The following SNX31 variants were observed in gnomAD, a reference collection of about 807,000 sequenced individuals.
SNX31 encodes sorting nexin 31, also known as sorting nexin-31.
In SNX31, 58 loss-of-function variants were observed where a neutral mutation model predicts 65.4. The observed-to-expected ratio is 0.89, with a 90% CI of 0.72 to 1.10. The LOEUF (loss-of-function observed/expected upper bound fraction) is 1.10. Among genes scored for constraint, SNX31 ranks in the 50% least tolerant of loss-of-function variants. SNX31 has a pLI of 0.00. For synonymous variants in SNX31, 181 were observed against 190.1 expected, an observed-to-expected ratio of 0.95 and a Z score of 0.39; for missense variants, 523 against 529.7, an observed-to-expected ratio of 0.99 and a Z score of 0.12.
rs2130906505 is a variant in SNX31 at position 100,596,704 on chromosome 8, C to T, written c.913G>A (p.Asp305Asn). 6.2e-7 allele frequency: 1 copy of T among 1,614,160 alleles called. No individual in the cohort carries two copies. The highest frequency in any genetic ancestry group is 2.2e-5 in the East Asian group (1 of 44,888). Reference sequence around the variant, plus strand: ...AAAACGATGTCCTGGGTCTGGCTGTCAGGCAGGGTGATGCAGCAGCTGATC... The same window carrying T: ...AAAACGATGTCCTGGGTCTGGCTGTTAGGCAGGGTGATGCAGCAGCTGATC... Reference protein sequence around the residue: ...NEISCCITLPDSQTQDIVFQM... With the variant: ...NEISCCITLPNSQTQDIVFQM... Residue 305 changes from aspartate to asparagine, a missense_variant, in exon 10 of 14, where the codon GAC (aspartate) becomes AAC (asparagine). Physicochemically the swap from Asp to Asn is conservative, Grantham distance 23. Transcript: ENST00000311812.
chr8:100,657,227 C>T (rs991040665), intron 1 of SNX31, among the ~76,000 whole-genome samples: 17 of 151,890 alleles, frequency 1.1e-4, no homozygotes, highest in Non-Finnish European at 1.5e-4. Context: ...CCGAGGCAGG[C>T]GGATCACCTG....
upstream of SNX31, among the ~76,000 whole-genome samples, chr8:100,653,448 T>C (rs554736847): frequency 3.9e-5 from 6 of 152,226 alleles, no homozygotes; most frequent in Admixed American, 6.5e-5. Context: ...CACATCCAAT[T>C]AGCGTATCCT....
At chr8:100,659,485 T>A (rs981366807) in intron 1 of SNX31, among the ~76,000 whole-genome samples, 1 of 152,160 alleles carries the variant, frequency 6.6e-6, no homozygotes, top group Non-Finnish European at 1.5e-5. Flanking sequence ...TCTAAGATAT[T>A]TGGTTTGAGG....
At chr8:100,624,660 AT>A (rs1257426117) in intron 4 of SNX31, among the ~76,000 whole-genome samples, 1 of 152,244 alleles carries the variant, frequency 6.6e-6, no homozygotes, top group Non-Finnish European at 1.5e-5. Flanking sequence ...TATTTGTGAT[AT>A]TTGAATTTTA....
Position 100,586,982 on chromosome 8 carries a change from T to C in SNX31, c.1092+1884A>G, listed in dbSNP as rs1814103376. ...ATTTTCTCTTTTTTAGCATTTCCACTCCAATTTTAGTTAAAAGCCTATGGT... is the reference window on the plus strand; with the variant it reads ...ATTTTCTCTTTTTTAGCATTTCCACCCCAATTTTAGTTAAAAGCCTATGGT... On this transcript the variant is annotated intron_variant, in intron 11 of 13. Coordinates refer to ENST00000311812, the MANE Select transcript of SNX31 (RefSeq NM_152628.4). Among the ~76,000 whole-genome samples the C allele has an allele frequency of 2.0e-5, 3 of 152,212 alleles. No homozygotes were observed. In the South Asian group the frequency reaches 6.2e-4, roughly 32 times the overall value.
intron 8 of SNX31, 40 bp downstream of exon 8, chr8:100,608,454 T>C (rs774521913): frequency 3.2e-5 from 52 of 1,602,330 alleles, no homozygotes; most frequent in Non-Finnish European, 4.4e-5. Context: ...CAACATGGCC[T>C]ATGATCTACG....
chr8:100,589,088 G>GT, intron 10 of SNX31, 109 bp from the exon 11 acceptor site: 1 of 729,128 alleles, frequency 1.4e-6, no homozygotes, highest in Non-Finnish European at 2.3e-6. Flanking sequence ...ATCGCCTGAG[G>GT]TCAGGAGTTC....
At chr8:100,642,790 A>T (rs1307318051) in intron 2 of SNX31, among the ~76,000 whole-genome samples, 1 of 152,228 alleles carries the variant, frequency 6.6e-6, no homozygotes, top group African/African-American at 2.4e-5. Context: ...GTTTAAAGAG[A>T]TCAAAAGGAA....
At chr8:100,592,510 T>A (rs1009358463) in intron 10 of SNX31, among the ~76,000 whole-genome samples, 5 of 152,118 alleles carry the variant, frequency 3.3e-5, no homozygotes, top group African/African-American at 1.2e-4. Context: ...ATCAAAACCC[T>A]CCACTGCTGC....
At chr8:100,615,201 T>C (rs1326702738) in intron 5 of SNX31, among the ~76,000 whole-genome samples, 2 of 152,230 alleles carry the variant, frequency 1.3e-5, no homozygotes, top group South Asian at 2.1e-4. Flanking sequence ...GCCAACATGA[T>C]TGGAAGAGAG....
upstream of SNX31, among the ~76,000 whole-genome samples, chr8:100,652,272 C>G (rs1819989047): frequency 6.6e-6 from 1 of 152,222 alleles, no homozygotes; most frequent in Admixed American, 6.5e-5. Context: ...GCCACCGCGC[C>G]CGGCCCACAG....
At chr8:100,647,608 T>C (rs574197621) in intron 2 of SNX31, among the ~76,000 whole-genome samples, 55 of 152,192 alleles carry the variant, frequency 3.6e-4, no homozygotes, top group Non-Finnish European at 6.3e-4. Flanking sequence ...CCCCTAATCT[T>C]CACAAGCACA....
intron 12 of SNX31, among the ~76,000 whole-genome samples, chr8:100,580,833 GC>G (rs1813429878): frequency 6.6e-6 from 1 of 152,104 alleles, no homozygotes; most frequent in African/African-American, 2.4e-5. Flanking sequence ...ATTACATGCA[GC>G]AAAACCTAAC....
rs1390745615 is a variant in SNX31, at chr8:100,576,958, G to A, written c.1227+61C>T. On this transcript the variant is annotated intron_variant, in intron 13 of 13. Transcript: ENST00000311812. The surrounding 1 kb of genome is among the most constrained non-coding windows in gnomAD (Gnocchi z 4.8). ...AAAGTGAGATGACTTTGGTTAAAGA[G>A]GAAAAAAGATCAGATTTATCAAAAT... 5 of 1,368,590 alleles carry A rather than the reference G, an allele frequency of 3.7e-6. No homozygotes were observed. Among genetic ancestry groups the A allele is most frequent in the Non-Finnish European group, 5.1e-6 (5 of 972,654 alleles). The allele number at this position is 1,368,590 out of a possible 1,614,324, so 84.8% of individuals were successfully genotyped here. A position where few individuals can be genotyped will look rare whatever the true frequency, so the allele number is the denominator to read the frequency against.
At chr8:100,581,321 ATATC>A (rs1188651921) in intron 12 of SNX31, among the ~76,000 whole-genome samples, 8 of 123,460 alleles carry the variant, frequency 6.5e-5, no homozygotes, top group African/African-American at 2.2e-4. Flanking sequence ...TTATATATCT[ATATC>A]TATCTATCTA....
intron 11 of SNX31, among the ~76,000 whole-genome samples, chr8:100,584,868 G>A (rs996539221): frequency 3.3e-5 from 5 of 151,192 alleles, no homozygotes; most frequent in Admixed American, 2.6e-4. Context: ...TCCCGCTTCA[G>A]CACGCTGCCA....
chr8:100,656,484 T>G (rs567080253), intron 1 of SNX31, among the ~76,000 whole-genome samples: 6 of 151,276 alleles, frequency 4.0e-5, no homozygotes, highest in Non-Finnish European at 7.4e-5. Context: ...CTACTAAAAA[T>G]ACAAAAATTA....
rs1305079456 is a variant in SNX31 at position 100,604,546 on chromosome 8, C to T, written c.681+3948G>A. Among the ~76,000 whole-genome samples the T allele has an allele frequency of 2.6e-5, 4 of 152,202 alleles. No individual in the cohort carries two copies. The highest frequency in any genetic ancestry group is 7.2e-5 in the African/African-American group (3 of 41,452). ...CCTCCACTCACCAAGCCATGGGCCCCGATGCAGGACTAGCCCCACCTGGAG... is the reference window on the plus strand; with the variant it reads ...CCTCCACTCACCAAGCCATGGGCCCTGATGCAGGACTAGCCCCACCTGGAG... On this transcript the variant is annotated intron_variant, in intron 8 of 13. Transcript: ENST00000311812. The surrounding 1 kb of genome is among the most constrained non-coding windows in gnomAD (Gnocchi z 4.3).
At chr8:100,620,001 T>G (rs2131103898) in intron 4 of SNX31, 1 of 152,326 alleles carries the variant, frequency 6.6e-6, no homozygotes, top group East Asian at 1.9e-4. Flanking sequence ...GAATTTGTGT[T>G]GCGGAAATCT....
Sources: allele counts gnomAD v4.1 joint callset (sites outside exome capture counted in the v4.1 genomes callset), GRCh38; gene constraint gnomAD v4.1.1; non-coding constraint Gnocchi (gnomAD v3.1); transcripts MANE v1.5; gene names NCBI Gene and HGNC (gene_info 2026-07-23, HGNC 2026-07-21).